PRIM2: variants seen among roughly 807,000 people sequenced by gnomAD.
PRIM2 encodes DNA primase subunit 2.
A neutral mutation model predicts 67.3 loss-of-function variants in PRIM2; 39 were observed. That is an observed-to-expected ratio of 0.58 (90% CI 0.45 to 0.76). The LOEUF (loss-of-function observed/expected upper bound fraction) is 0.76. PRIM2 is among the 30% of genes least tolerant of loss of function. PRIM2 has a pLI of 0.00. For missense variants in PRIM2, 398 were observed against 598.7 expected (o/e 0.66, Z 3.50); for synonymous variants, 143 against 198.7 (o/e 0.72, Z 2.36).
chr6:57,427,729 A>T (rs2127376844), intron 7 of PRIM2, among the ~76,000 whole-genome samples: 1 of 152,186 alleles, frequency 6.6e-6, no homozygotes, highest in Non-Finnish European at 1.5e-5. Context: ...ATGAGATTAA[A>T]CTCTATGAAT....
intron 13 of PRIM2, among the ~76,000 whole-genome samples, chr6:57,637,053 G>T (rs1777134823): frequency 6.6e-6 from 1 of 152,206 alleles, no homozygotes; most frequent in East Asian, 1.9e-4. Flanking sequence ...AGCTTCCAGA[G>T]GAAGGAACAG....
rs1777340702 is a variant in PRIM2 at position 57,646,648 on chromosome 6, A to T, written c.*490A>T. 6.6e-6 allele frequency: 1 copy of T among 152,558 alleles called. No homozygotes were observed. Among genetic ancestry groups the T allele is most frequent in the South Asian group, 2.1e-4 (1 of 4,836 alleles). The allele number at this position is 152,558 out of a possible 1,614,324, so 9.5% of individuals were successfully genotyped here. On this transcript the variant is annotated 3_prime_UTR_variant, in exon 14 of 14. Transcript: ENST00000615550. ...CACTATATTTTGCTTTGACAGAAGG[A>T]AAGAGGAGGAGTTTCTATTAAAATC...
At chr6:57,502,197 T>C (rs1774146648) in intron 7 of PRIM2, among the ~76,000 whole-genome samples, 1 of 152,170 alleles carries the variant, frequency 6.6e-6, no homozygotes, top group Non-Finnish European at 1.5e-5. Context: ...TTCCCAGCCA[T>C]GATGGAATGG....
chr6:57,329,716 C>T (rs1230959154), intron 5 of PRIM2, among the ~76,000 whole-genome samples: 7 of 152,122 alleles, frequency 4.6e-5, no homozygotes, highest in Admixed American at 2.0e-4. Flanking sequence ...TCCCCAGACA[C>T]GCAGAGGGCT....
intron 7 of PRIM2, among the ~76,000 whole-genome samples, chr6:57,499,931 T>A (rs1774095021): frequency 6.6e-6 from 1 of 152,172 alleles, no homozygotes; most frequent in African/African-American, 2.4e-5. Flanking sequence ...TAAATGTAAA[T>A]CTCTCCTGGT....
chr6:57,330,348 G>GTTTTTTTTTTT lies in PRIM2; in HGVS notation c.459+4305_459+4315dup, dbSNP rs1238317111. Among the ~76,000 whole-genome samples, 14 of 87,818 alleles carry GTTTTTTTTTTT rather than the reference G, an allele frequency of 1.6e-4. 1 individual carries two copies. Among genetic ancestry groups the GTTTTTTTTTTT allele is most frequent in the South Asian group, 4.2e-4 (1 of 2,356 alleles). The allele number at this position is 87,818 out of a possible 152,430, so 57.6% of individuals were successfully genotyped here. On this transcript the variant is annotated intron_variant, in intron 5 of 13. Transcript: ENST00000615550. ...TGTATCCTGCAACCTTGCTGAACTTGTTTTTTTTTTTTGTTTTTGTTTTTT... is the reference window on the plus strand; with the variant it reads ...TGTATCCTGCAACCTTGCTGAACTTGTTTTTTTTTTTTTTTTTTTTTTTGTTTTTGTTTTTT...
At chr6:57,528,232 C>G (rs74212671) in intron 8 of PRIM2, among the ~76,000 whole-genome samples, 52,634 of 140,350 alleles carry the variant, frequency 0.38, 10,121 homozygotes, top group East Asian at 0.65. Flanking sequence ...GCTTCCCAAA[C>G]TGCTGGGAAT....
At chr6:57,599,411 T>C (rs1776422897) in intron 10 of PRIM2, among the ~76,000 whole-genome samples, 1 of 151,732 alleles carries the variant, frequency 6.6e-6, no homozygotes, top group Admixed American at 6.6e-5. Flanking sequence ...ACATAACTTC[T>C]CTCTTTCAGA....
At chr6:57,411,284 C>G (rs1476436933) in intron 7 of PRIM2, among the ~76,000 whole-genome samples, 1 of 152,104 alleles carries the variant, frequency 6.6e-6, no homozygotes, top group Admixed American at 6.6e-5. Flanking sequence ...AATTAAACCT[C>G]TTTTCTTATA....
At chr6:57,330,355 TTTTTTG>T (rs1268309196) in intron 5 of PRIM2, among the ~76,000 whole-genome samples, 5 of 117,184 alleles carry the variant, frequency 4.3e-5, no homozygotes, top group Non-Finnish European at 6.7e-5. Context: ...CTTGTTTTTT[TTTTTTG>T]TTTTTGTTTT....
the PRIM2 span, among the ~76,000 whole-genome samples, chr6:57,246,030 CTCTA>C: frequency 6.6e-6 from 1 of 152,230 alleles, no homozygotes; most frequent in African/African-American, 2.4e-5. Flanking sequence ...TCACATGCAT[CTCTA>C]TCCATCCATT....
Position 57,496,440 on chromosome 6 carries a change from G to A in PRIM2, c.694-10947G>A, listed in dbSNP as rs1774006015. Among the ~76,000 whole-genome samples, 4 of 152,220 alleles carry A rather than the reference G, an allele frequency of 2.6e-5. No individual in the cohort carries two copies. In the South Asian group the frequency reaches 6.2e-4, roughly 24 times the overall value. Reference sequence around the variant, plus strand: ...CTATGAAACCCACTATTCAGTCTGGGCCCTCTTTTAAACATTTACTAGAAG... The same window carrying A: ...CTATGAAACCCACTATTCAGTCTGGACCCTCTTTTAAACATTTACTAGAAG... On this transcript the variant is annotated intron_variant, in intron 7 of 13. Transcript: ENST00000615550.
chr6:57,331,198 A>AG (rs1768049267), intron 5 of PRIM2, among the ~76,000 whole-genome samples: 1 of 152,038 alleles, frequency 6.6e-6, no homozygotes, highest in Admixed American at 6.6e-5. Flanking sequence ...AGAAAAAAAA[A>AG]AAAAAAAGTT....
Position 57,359,466 on chromosome 6 carries a change from G to A in PRIM2, c.460-20435G>A, listed in dbSNP as rs545241109. ...TCAGTACCTCTGGTGACTTCATTTG[G>A]TGCCACATGGAGTAGAGACATTGCC... On this transcript the variant is annotated intron_variant, in intron 5 of 13. Transcript: ENST00000615550. 1.6e-3 allele frequency among the ~76,000 whole-genome samples: 241 copies of A among 152,312 alleles called. 2 individuals are homozygous for A. The East Asian group carries it at 0.016, about 10-fold the overall frequency.
At chr6:57,487,080 A>G (rs1158254968) in intron 7 of PRIM2, among the ~76,000 whole-genome samples, 6 of 152,332 alleles carry the variant, frequency 3.9e-5, no homozygotes, top group African/African-American at 1.4e-4. Flanking sequence ...AAACAATTTA[A>G]AAGATCACTA....
chr6:57,248,819 T>A, the PRIM2 span, among the ~76,000 whole-genome samples: 1 of 152,226 alleles, frequency 6.6e-6, no homozygotes, highest in Non-Finnish European at 1.5e-5. Flanking sequence ...GCTCCCTGCC[T>A]CCAGACCCTA....
intron 7 of PRIM2, among the ~76,000 whole-genome samples, chr6:57,444,910 T>C (rs1285030414): frequency 6.6e-6 from 1 of 151,244 alleles, no homozygotes; most frequent in African/African-American, 2.5e-5. Flanking sequence ...TTAATGATAG[T>C]CTCCTTGCTC....
intron 5 of PRIM2, among the ~76,000 whole-genome samples, chr6:57,348,461 GT>G (rs1015642685): frequency 6.6e-6 from 1 of 151,952 alleles, no homozygotes; most frequent in Non-Finnish European, 1.5e-5. Flanking sequence ...ACTTGAGTTG[GT>G]TTTTTTTACT....
intron 12 of PRIM2, among the ~76,000 whole-genome samples, chr6:57,614,389 C>G (rs1776717614): frequency 6.6e-6 from 1 of 152,058 alleles, no homozygotes; most frequent in Non-Finnish European, 1.5e-5. Context: ...AAAAAATGGT[C>G]TGAAGTAAAA....
Sources: allele counts gnomAD v4.1 joint callset (sites outside exome capture counted in the v4.1 genomes callset), GRCh38; gene constraint gnomAD v4.1.1; transcripts MANE v1.5; gene names NCBI Gene and HGNC (gene_info 2026-07-23, HGNC 2026-07-21).